Variants in ZNF236 observed in about 807,000 individuals in gnomAD.
ZNF236 encodes zinc finger protein 236, also known as regulated by glucose.
Under a neutral mutation model 191.2 loss-of-function variants are expected in ZNF236, and 50 were observed. The ratio of observed to expected loss-of-function variants is 0.26; its 90% CI spans 0.21 to 0.33. The LOEUF (loss-of-function observed/expected upper bound fraction) is 0.33. Ranked by LOEUF, ZNF236 falls within the 10% of genes least tolerant of loss-of-function variation. The pLI, the probability that ZNF236 is intolerant of heterozygous loss-of-function variation, is 1.00. For missense variants in ZNF236, 1,754 were observed against 2,374.5 expected (o/e 0.74, Z 5.43); for synonymous variants, 907 against 928.8 (o/e 0.98, Z 0.43).
At chr18:76,967,908 C>T (rs2122988970) in intron 30 of ZNF236, among the ~76,000 whole-genome samples, 1 of 152,180 alleles carries the variant, frequency 6.6e-6, no homozygotes, top group East Asian at 1.9e-4. Flanking sequence ...TCCTGCTTTC[C>T]TTTTTATTAT....
chr18:76,948,181 G>A (rs1325286510), intron 27 of ZNF236, among the ~76,000 whole-genome samples: 1 of 152,158 alleles, frequency 6.6e-6, no homozygotes, highest in Non-Finnish European at 1.5e-5. Flanking sequence ...AAATATGGAA[G>A]AGTCTAAAAT....
intron 27 of ZNF236, 71 bp downstream of exon 27, chr18:76,947,723 GTA>G: frequency 6.5e-7 from 1 of 1,547,566 alleles, no homozygotes. Flanking sequence ...AGGGATGGTG[GTA>G]GAGGGTTATG....
chr18:76,890,609 AT>A (rs199501930), intron 9 of ZNF236, among the ~76,000 whole-genome samples: 1 of 151,966 alleles, frequency 6.6e-6, no homozygotes, highest in Non-Finnish European at 1.5e-5. Context: ...AAATTTGGGG[AT>A]TTTTTTTACT....
At chr18:76,843,433 C>G (rs1478801989) in intron 1 of ZNF236, among the ~76,000 whole-genome samples, 3 of 152,062 alleles carry the variant, frequency 2.0e-5, no homozygotes, top group Non-Finnish European at 4.4e-5. Flanking sequence ...TGAACGCTGA[C>G]AAATGTGGCA....
intron 26 of ZNF236, among the ~76,000 whole-genome samples, chr18:76,941,706 G>C (rs1482173645): frequency 6.6e-6 from 1 of 152,056 alleles, no homozygotes; most frequent in Non-Finnish European, 1.5e-5. Flanking sequence ...GTTAAGCTTT[G>C]GTGGGTTAAG....
At position 76,971,452 on chromosome 18, in the gene ZNF236, C is replaced by T. The variant is rs1479111279; in HGVS notation, c.*3113C>T. Among the ~76,000 whole-genome samples, 6 of 152,218 alleles carry T rather than the reference C, an allele frequency of 3.9e-5. No homozygotes were observed. The highest frequency in any genetic ancestry group is 8.8e-5 in the Non-Finnish European group (6 of 68,040). On this transcript the variant is annotated 3_prime_UTR_variant, in exon 31 of 31. Coordinates refer to ENST00000320610, the MANE Select transcript of ZNF236 (RefSeq NM_001306089.2). ...CAGTGTTCTGCTGGTGGGACATGAA[C>T]ATCAGTGCTTGTCTGGCACTTAACT...
intron 2 of ZNF236, among the ~76,000 whole-genome samples, chr18:76,851,019 TTTTC>T (rs898232801): frequency 4.1e-5 from 6 of 146,672 alleles, no homozygotes; most frequent in East Asian, 2.0e-4. Context: ...ATACGCAGCT[TTTTC>T]TTTCTTTTTT....
intron 11 of ZNF236, among the ~76,000 whole-genome samples, chr18:76,900,195 A>G (rs1568219789): frequency 1.3e-5 from 2 of 152,220 alleles, no homozygotes; most frequent in Non-Finnish European, 2.9e-5. Context: ...AAATTATTGT[A>G]TAGAGAGATT....
chr18:76,828,895 G>A (rs1975085972), intron 1 of ZNF236, among the ~76,000 whole-genome samples: 1 of 152,050 alleles, frequency 6.6e-6, no homozygotes, highest in African/African-American at 2.4e-5. Context: ...TTGAACTCCT[G>A]AGCCAGGCAA....
At chr18:76,824,403 C>T (rs546058938) in intron 1 of ZNF236, 1 of 781,008 alleles carries the variant, frequency 1.3e-6, no homozygotes, top group African/African-American at 1.7e-5. Flanking sequence ...GCACCATGAC[C>T]CAGGTATGCA....
chr18:76,935,864 A>G, intron 25 of ZNF236: 1 of 417,872 alleles, frequency 2.4e-6, no homozygotes, highest in Non-Finnish European at 4.8e-6. Flanking sequence ...TCCCACCAGC[A>G]CTCTGTGCGG....
intron 30 of ZNF236, among the ~76,000 whole-genome samples, chr18:76,962,790 T>G (rs1183872809): frequency 6.6e-6 from 1 of 152,230 alleles, no homozygotes; most frequent in East Asian, 1.9e-4. Context: ...GTTAGGTGTA[T>G]TCCTAAGTTT....
intron 1 of ZNF236, 59 bp downstream of exon 1, chr18:76,822,721 T>A (rs1974885531): frequency 6.9e-6 from 1 of 144,392 alleles, no homozygotes; most frequent in African/African-American, 2.5e-5. Context: ...GCCCGCGCCC[T>A]GCCAGTCCCC....
At chr18:76,876,835 A>G (rs962606326) in intron 6 of ZNF236, among the ~76,000 whole-genome samples, 4 of 152,190 alleles carry the variant, frequency 2.6e-5, no homozygotes, top group African/African-American at 7.2e-5. Flanking sequence ...CTTGTGAGGT[A>G]CTTGTCAGTA....
intron 1 of ZNF236, among the ~76,000 whole-genome samples, chr18:76,836,832 C>T (rs1446514432): frequency 6.6e-6 from 1 of 152,136 alleles, no homozygotes; most frequent in Non-Finnish European, 1.5e-5. Flanking sequence ...CTGCCTTGGC[C>T]TCCCAAAGTG....
In ZNF236 at chr18:76,927,846, A is replaced by G. The variant is rs1247876306; in HGVS notation, c.4415-81A>G. The G allele has an allele frequency of 6.6e-6, 7 of 1,059,830 alleles. No homozygotes were observed. In the African/African-American group the frequency reaches 1.1e-4, roughly 17 times the overall value. The allele number at this position is 1,059,830 out of a possible 1,614,324, so 65.7% of individuals were successfully genotyped here. A position where few individuals can be genotyped will look rare whatever the true frequency, so the allele number is the denominator to read the frequency against. On this transcript the variant is annotated intron_variant, in intron 24 of 30. Transcript: ENST00000320610. This position sits in a 1 kb window ranked among gnomAD's most constrained non-coding sequence, Gnocchi z 5.4. Reference sequence around the variant, plus strand: ...TATTGAAATATGTAATAACAGTTTAATTAAAATATTTTTAATATAAAAACA... The same window carrying G: ...TATTGAAATATGTAATAACAGTTTAGTTAAAATATTTTTAATATAAAAACA...
At chr18:76,904,835 A>G (rs942610075) in intron 12 of ZNF236, among the ~76,000 whole-genome samples, 11 of 152,302 alleles carry the variant, frequency 7.2e-5, no homozygotes, top group African/African-American at 2.6e-4. Flanking sequence ...ATCAGTTTAG[A>G]TTAATTCTTA....
intron 11 of ZNF236, among the ~76,000 whole-genome samples, chr18:76,901,563 G>C (rs981982405): frequency 3.9e-5 from 6 of 152,158 alleles, no homozygotes; most frequent in Admixed American, 3.3e-4. Flanking sequence ...TTTGAGACCA[G>C]CCTGGCCAAC....
intron 20 of ZNF236, among the ~76,000 whole-genome samples, chr18:76,921,238 A>G (rs993146727): frequency 3.3e-5 from 5 of 152,142 alleles, no homozygotes; most frequent in African/African-American, 1.2e-4. Flanking sequence ...GAGAGTGACA[A>G]TGAGGGAGGT....
Sources: gnomAD v4.1 joint callset for allele counts (sites outside exome capture counted in the v4.1 genomes callset) on GRCh38, gnomAD v4.1.1 for gene constraint, Gnocchi (gnomAD v3.1) non-coding constraint, MANE v1.5 for transcripts, NCBI Gene and HGNC (gene_info 2026-07-23, HGNC 2026-07-21) for gene names.